Variants in CTTNBP2NL observed in about 807,000 individuals in gnomAD.
CTTNBP2NL encodes the protein CTTNBP2 N-terminal like, also known as CTTNBP2 N-terminal-like protein.
In CTTNBP2NL, 16 loss-of-function variants were observed where a neutral mutation model predicts 32.5. That is an observed-to-expected ratio of 0.49 (90% CI 0.33 to 0.75). The LOEUF (loss-of-function observed/expected upper bound fraction) is 0.75, where lower values mean the gene tolerates loss of function less well. Among genes scored for constraint, CTTNBP2NL ranks in the 30% least tolerant of loss-of-function variants. CTTNBP2NL has a pLI of 0.02. For synonymous variants in CTTNBP2NL, 298 were observed against 289.4 expected (o/e 1.03, Z -0.30); for missense variants, 645 against 756.0 (o/e 0.85, Z 1.72).
chr1:112,449,174 T>C lies in CTTNBP2NL; in HGVS notation c.330+2T>C. Reference sequence around the variant, plus strand: ...GCTGCTGAGAGCAGGCACCGAAAGGTAGGTTCACCTCAGTTGATGTGTAAA... The same window carrying C: ...GCTGCTGAGAGCAGGCACCGAAAGGCAGGTTCACCTCAGTTGATGTGTAAA... On this transcript the variant is annotated splice_donor_variant, in intron 4 of 5. Transcript: ENST00000271277. LOFTEE classifies it high-confidence loss of function. 1 of 1,556,606 alleles carries C rather than the reference T, an allele frequency of 6.4e-7. No individual in the cohort carries two copies. Among genetic ancestry groups the C allele is most frequent in the Non-Finnish European group, 8.9e-7 (1 of 1,128,176 alleles).
At position 112,459,553 on chromosome 1, in the gene CTTNBP2NL, A is replaced by C. The variant is rs1650486649; in HGVS notation, c.*2141A>C. ...CAACTCCACAGCTTATAGTTTGATA[A>C]AGGCAAATACATGAAAAATAAAAAT... On this transcript the variant is annotated 3_prime_UTR_variant, in exon 6 of 6. Coordinates refer to ENST00000271277, the MANE Select transcript of CTTNBP2NL (RefSeq NM_018704.3). 1.3e-5 allele frequency: 2 copies of C among 152,246 alleles called. No individual in the cohort carries two copies. Among genetic ancestry groups the C allele is most frequent in the Admixed American group, 1.3e-4 (2 of 15,288 alleles). The allele number at this position is 152,246 out of a possible 1,614,324, so 9.4% of individuals were successfully genotyped here.
At chr1:112,403,344 A>G (rs1438628680) in intron 1 of CTTNBP2NL, among the ~76,000 whole-genome samples, 1 of 152,216 alleles carries the variant, frequency 6.6e-6, no homozygotes, top group Non-Finnish European at 1.5e-5. Context: ...GGTAAAGTCC[A>G]GTTGTGTTGG....
rs567292750 is a variant in CTTNBP2NL, at chr1:112,419,943, A to G, written c.99+3679A>G. On this transcript the variant is annotated intron_variant, in intron 3 of 5. Transcript: ENST00000271277. ...TCATTGATAAAGATCACATGAACACATGAACATAAGCTATAACTGACAGAA... is the reference window on the plus strand; with the variant it reads ...TCATTGATAAAGATCACATGAACACGTGAACATAAGCTATAACTGACAGAA... Among the ~76,000 whole-genome samples, 7 of 152,314 alleles carry G rather than the reference A, an allele frequency of 4.6e-5. No homozygotes were observed. The South Asian group carries it at 1.5e-3, about 32-fold the overall frequency.
chr1:112,407,516 T>C (rs868054548), intron 1 of CTTNBP2NL, among the ~76,000 whole-genome samples: 7 of 152,296 alleles, frequency 4.6e-5, no homozygotes, highest in Middle Eastern at 3.4e-3. Flanking sequence ...CATATTGGAT[T>C]AGAGCCCACC....
rs1650430880 is a variant in CTTNBP2NL, at chr1:112,458,031, G to C, written c.*619G>C. 1 of 152,656 alleles carries C rather than the reference G, an allele frequency of 6.6e-6. No individual in the cohort carries two copies. The highest frequency in any genetic ancestry group is 2.4e-5 in the African/African-American group (1 of 41,424). 9.5% of individuals were successfully genotyped at this position (152,656 alleles called of 1,614,324 possible). ...AACTCACCACAAGCTGAGCTTTATAGAGCCCTTGAGAAACCCTCCTGAGCA... is the reference window on the plus strand; with the variant it reads ...AACTCACCACAAGCTGAGCTTTATACAGCCCTTGAGAAACCCTCCTGAGCA... On this transcript the variant is annotated 3_prime_UTR_variant, in exon 6 of 6. Transcript: ENST00000271277.
Position 112,457,345 on chromosome 1 carries a change from G to A in CTTNBP2NL, c.1853G>A (p.Ser618Asn). 2.5e-6 allele frequency: 4 copies of A among 1,614,158 alleles called. No homozygotes were observed. Among genetic ancestry groups the A allele is most frequent in the Non-Finnish European group, 3.4e-6 (4 of 1,180,020 alleles). ...SLTTAEDLAS[S>N]CSSNTVVANG... ...ACCACTGCAGAAGACCTTGCCAGCA[G>A]CTGCTCTTCCAATACTGTTGTAGCA... The change falls in exon 6 of 6, where the codon AGC becomes AAC. Residue 618 changes from serine (S) to asparagine (N), a missense_variant. Physicochemically the swap from Ser to Asn is conservative, Grantham distance 46. Coordinates refer to ENST00000271277, the MANE Select transcript of CTTNBP2NL (RefSeq NM_018704.3).
chr1:112,417,699 A>C (rs1032940921), intron 3 of CTTNBP2NL, among the ~76,000 whole-genome samples: 4 of 152,210 alleles, frequency 2.6e-5, no homozygotes, highest in African/African-American at 9.7e-5. Context: ...ACTTCACCAG[A>C]AGTGACATAT....
intron 5 of CTTNBP2NL, among the ~76,000 whole-genome samples, chr1:112,455,364 G>T (rs1011215556): frequency 1.4e-4 from 22 of 152,134 alleles, no homozygotes; most frequent in Admixed American, 8.5e-4. Flanking sequence ...AATTAGGCGG[G>T]TGTGGTGGCG....
chr1:112,401,912 TG>T (rs753963072), intron 1 of CTTNBP2NL, among the ~76,000 whole-genome samples: 4 of 152,220 alleles, frequency 2.6e-5, no homozygotes, highest in Non-Finnish European at 2.9e-5. Flanking sequence ...AGTTCTCAAT[TG>T]TTACTGAATT....
At chr1:112,396,684 G>C (rs1207830293) in intron 1 of CTTNBP2NL, 1 of 152,254 alleles carries the variant, frequency 6.6e-6, no homozygotes, top group African/African-American at 2.4e-5. Flanking sequence ...GGGTGGGACT[G>C]GAGCTGCTTT....
chr1:112,433,255 G>GTGTGGGT (rs1553225724), intron 3 of CTTNBP2NL, among the ~76,000 whole-genome samples: 3 of 151,312 alleles, frequency 2.0e-5, no homozygotes, highest in Admixed American at 2.0e-4. Context: ...TTTGTGTGGG[G>GTGTGGGT]GTGTGTGTGT....
chr1:112,391,990 C>CAATAAATAAATAAATAAATAAATAAATA (rs140750530), upstream of CTTNBP2NL, among the ~76,000 whole-genome samples: 21 of 149,190 alleles, frequency 1.4e-4, no homozygotes, highest in African/African-American at 5.3e-4. Flanking sequence ...GACCCTGTCT[C>CAATAAATAAATAAATAAATAAATAAATA]AATAAATAAA....
intron 2 of CTTNBP2NL, among the ~76,000 whole-genome samples, chr1:112,415,562 G>T (rs1443810606): frequency 3.7e-5 from 5 of 135,660 alleles, no homozygotes; most frequent in Admixed American, 1.6e-4. Context: ...TTTTTTTTTG[G>T]TTTTTTTTTT....
At chr1:112,415,042 T>G (rs1649013728) in intron 2 of CTTNBP2NL, 1 of 151,776 alleles carries the variant, frequency 6.6e-6, no homozygotes, top group South Asian at 2.1e-4. Context: ...AAAAAATAAA[T>G]TAACCAGGCG....
At chr1:112,392,017 T>A (rs1223619892), upstream of CTTNBP2NL, among the ~76,000 whole-genome samples, 3 of 150,850 alleles carry the variant, frequency 2.0e-5, no homozygotes, top group African/African-American at 4.9e-5. Context: ...AATAAATAAA[T>A]AAAATAAGTC....
intron 1 of CTTNBP2NL, among the ~76,000 whole-genome samples, chr1:112,403,830 A>G (rs918164481): frequency 6.6e-6 from 1 of 152,248 alleles, no homozygotes; most frequent in Non-Finnish European, 1.5e-5. Flanking sequence ...TGGCCAGGCC[A>G]TCTCTTTCTT....
intron 3 of CTTNBP2NL, among the ~76,000 whole-genome samples, chr1:112,435,758 T>C (rs2101020010): frequency 6.6e-6 from 1 of 152,312 alleles, no homozygotes; most frequent in Middle Eastern, 3.4e-3. Flanking sequence ...CGTTTGGAAA[T>C]TATTTCCTAT....
intron 1 of CTTNBP2NL, 23 bp downstream of exon 1, chr1:112,396,295 C>T (rs2488765): frequency 0.46 from 70,124 of 151,922 alleles, 18,773 homozygotes; most frequent in African/African-American, 0.75. Flanking sequence ...ATCCCTGGGG[C>T]TTGGTGATGG....
intron 1 of CTTNBP2NL, among the ~76,000 whole-genome samples, chr1:112,402,049 G>A (rs1008706482): frequency 1.3e-5 from 2 of 152,160 alleles, no homozygotes; most frequent in Non-Finnish European, 1.5e-5. Context: ...GAGCATCTGC[G>A]TAGATTCTTT....
Sources: allele counts gnomAD v4.1 joint callset (sites outside exome capture counted in the v4.1 genomes callset), GRCh38; gene constraint gnomAD v4.1.1; transcripts MANE v1.5; gene names NCBI Gene and HGNC (gene_info 2026-07-23, HGNC 2026-07-21).